The following PDSS1 variants were observed in gnomAD, a reference collection of about 807,000 sequenced individuals.
PDSS1 encodes the protein all trans-polyprenyl-diphosphate synthase PDSS1.
PDSS1 carries 43 observed loss-of-function variants against 57.5 expected under a neutral mutation model. The observed-to-expected ratio is 0.75, with a 90% CI of 0.59 to 0.96. PDSS1 has a LOEUF of 0.96. Ranked by LOEUF, PDSS1 falls within the 50% of genes least tolerant of loss-of-function variation. PDSS1 has a pLI of 0.00. For missense variants in PDSS1, 438 were observed against 527.8 expected (o/e 0.83, Z 1.67); for synonymous variants, 175 against 191.3 (o/e 0.91, Z 0.70).
chr10:26,709,034 C>G (rs1835333470), intron 4 of PDSS1, among the ~76,000 whole-genome samples: 1 of 152,064 alleles, frequency 6.6e-6, no homozygotes, highest in Non-Finnish European at 1.5e-5. Flanking sequence ...CCACCTAGTG[C>G]TTTCTTCCAC....
chr10:26,697,932 C>T, intron 1 of PDSS1, 92 bp downstream of exon 1: 1 of 1,137,804 alleles, frequency 8.8e-7, no homozygotes, highest in Non-Finnish European at 1.1e-6. Context: ...GGAGCACGTG[C>T]GTCGCGACGC....
Position 26,735,303 on chromosome 10 carries a change from G to A in PDSS1, c.895G>A (p.Val299Ile), listed in dbSNP as rs1389734464. ...GATCGCCTATCAGTACGGAAAAAATGTAGGAATAGCTTTTCAGGTTAGTAT... is the reference window on the plus strand; with the variant it reads ...GATCGCCTATCAGTACGGAAAAAATATAGGAATAGCTTTTCAGGTTAGTAT... ...HEIAYQYGKNVGIAFQLIDDV... is the reference protein window; with the variant it reads ...HEIAYQYGKNIGIAFQLIDDV... The change falls in exon 9 of 12, where the codon GTA becomes ATA. Residue 299 changes from valine (V) to isoleucine (I), a missense_variant. This residue lies in a region of PDSS1 where 284 missense variants were observed against 390.7 expected (regional missense o/e 0.73). Transcript: ENST00000376215. The A allele has an allele frequency of 2.2e-5, 35 of 1,611,666 alleles. No individual in the cohort carries two copies. Among genetic ancestry groups the A allele is most frequent in the Non-Finnish European group, 2.8e-5 (33 of 1,177,692 alleles).
At chr10:26,698,300 G>A (rs1049639306) in intron 1 of PDSS1, among the ~76,000 whole-genome samples, 3 of 152,162 alleles carry the variant, frequency 2.0e-5, no homozygotes, top group Admixed American at 2.0e-4. Flanking sequence ...ATCGGCCTCG[G>A]AATAGTCCGA....
At chr10:26,715,065 A>G (rs1835519490) in intron 5 of PDSS1, 1 of 152,240 alleles carries the variant, frequency 6.6e-6, no homozygotes, top group Admixed American at 6.5e-5. Context: ...GTTCTGTGTC[A>G]CTGAGCCAGC....
chr10:26,702,087 G>C (rs1399975620), intron 1 of PDSS1, 75 bp from the exon 2 acceptor site: 4 of 447,218 alleles, frequency 8.9e-6, no homozygotes, highest in African/African-American at 2.0e-5. Flanking sequence ...CTACCATTTG[G>C]AATGGGAACA....
Position 26,697,709 on chromosome 10 carries a change from A to T in PDSS1, c.-3A>T. 1.5e-6 allele frequency: 2 copies of T among 1,296,478 alleles called. No homozygotes were observed. Among genetic ancestry groups the T allele is most frequent in the Non-Finnish European group, 2.0e-6 (2 of 1,025,532 alleles). 80.3% of individuals were successfully genotyped at this position (1,296,478 alleles called of 1,614,324 possible). On this transcript the variant is annotated 5_prime_UTR_variant, in exon 1 of 12. Transcript: ENST00000376215. ...GCCCTGCCGCGACTTTCAGACTCCG[A>T]CCATGGCCTCGCGCTGGTGGCGGTG... is the stretch of plus-strand genomic sequence containing the variant.
chr10:26,718,713 A>G (rs535231279), intron 5 of PDSS1: 7 of 148,720 alleles, frequency 4.7e-5, no homozygotes, highest in African/African-American at 1.7e-4. Context: ...GTGAGCCGAG[A>G]TCACACCATT....
At chr10:26,731,195 GC>G (rs1836181673) in intron 8 of PDSS1, among the ~76,000 whole-genome samples, 1 of 152,036 alleles carries the variant, frequency 6.6e-6, no homozygotes, top group African/African-American at 2.4e-5. Flanking sequence ...ACAAAAATTA[GC>G]CAGGTATGGT....
intron 6 of PDSS1, among the ~76,000 whole-genome samples, chr10:26,722,061 C>T (rs1362047748): frequency 6.6e-6 from 1 of 152,150 alleles, no homozygotes. Context: ...CCGTCACAGT[C>T]CTGTGGCTTC....
intron 8 of PDSS1, among the ~76,000 whole-genome samples, chr10:26,731,395 A>T (rs1252506618): frequency 1.3e-5 from 2 of 152,236 alleles, no homozygotes; most frequent in East Asian, 3.8e-4. Flanking sequence ...TCTGTATCAG[A>T]TCCCATTATG....
At chr10:26,713,439 C>T (rs1835460336) in intron 5 of PDSS1, among the ~76,000 whole-genome samples, 1 of 152,158 alleles carries the variant, frequency 6.6e-6, no homozygotes. Context: ...CTTTATTAAG[C>T]TTTTCAGTTG....
At chr10:26,731,428 G>C (rs1273734326) in intron 8 of PDSS1, among the ~76,000 whole-genome samples, 1 of 152,180 alleles carries the variant, frequency 6.6e-6, no homozygotes, top group Non-Finnish European at 1.5e-5. Flanking sequence ...GGTTTATTCA[G>C]CCAATCTTCT....
In PDSS1 at chr10:26,722,715, AAAG is replaced by A. The variant is rs1346860087; in HGVS notation, c.610-1088_610-1086del. Reference sequence around the variant, plus strand: ...CAAGACTCTTTCTCAAAAAAAAAAAAAAGAATGTAATATATATCTTTAAATATG... The same window carrying A: ...CAAGACTCTTTCTCAAAAAAAAAAAAAATGTAATATATATCTTTAAATATG... On this transcript the variant is annotated intron_variant, in intron 6 of 11. Coordinates refer to ENST00000376215, the MANE Select transcript of PDSS1 (RefSeq NM_014317.5). 3.9e-5 allele frequency among the ~76,000 whole-genome samples: 6 copies of A among 152,202 alleles called. No homozygotes were observed. The South Asian group carries it at 1.2e-3, about 32-fold the overall frequency.
At chr10:26,717,230 CTATT>C (rs142778708) in intron 5 of PDSS1, among the ~76,000 whole-genome samples, 27 of 152,054 alleles carry the variant, frequency 1.8e-4, no homozygotes, top group African/African-American at 6.3e-4. Context: ...ATTTTTTATT[CTATT>C]TATTTATTTA....
intron 8 of PDSS1, among the ~76,000 whole-genome samples, chr10:26,724,674 T>A (rs1337879759): frequency 2.6e-5 from 4 of 152,130 alleles, no homozygotes; most frequent in African/African-American, 9.7e-5. Context: ...ACCTCCCAGG[T>A]TCAGGCAATT....
intron 8 of PDSS1, among the ~76,000 whole-genome samples, chr10:26,731,424 TTCAGCCAA>T (rs1836192815): frequency 6.6e-6 from 1 of 152,250 alleles, no homozygotes; most frequent in Non-Finnish European, 1.5e-5. Flanking sequence ...GCATGGTTTA[TTCAGCCAA>T]TCTTCTATAC....
At chr10:26,715,868 G>A (rs1169679635) in intron 5 of PDSS1, 1 of 152,164 alleles carries the variant, frequency 6.6e-6, no homozygotes, top group Admixed American at 6.5e-5. Flanking sequence ...AGAAGCTCTT[G>A]TAATTTCTTC....
intron 4 of PDSS1, among the ~76,000 whole-genome samples, chr10:26,705,852 A>G (rs1835195481): frequency 2.0e-5 from 3 of 152,224 alleles, no homozygotes; most frequent in Non-Finnish European, 2.9e-5. Flanking sequence ...CATATGACCC[A>G]GTGCCAGGCA....
chr10:26,734,751 A>G, intron 8 of PDSS1: 1 of 456,482 alleles, frequency 2.2e-6, no homozygotes. Flanking sequence ...GATGAAAAGA[A>G]AGGACTACAG....
Sources: allele counts gnomAD v4.1 joint callset (sites outside exome capture counted in the v4.1 genomes callset), GRCh38; gene constraint gnomAD v4.1.1; regional missense constraint gnomAD v4.1.1; transcripts MANE v1.5; gene names NCBI Gene and HGNC (gene_info 2026-07-23, HGNC 2026-07-21).